Variants in DENND2C observed in about 807,000 individuals in gnomAD.
DENND2C encodes the protein DENN domain-containing protein 2C.
DENND2C carries 72 observed loss-of-function variants against 112.4 expected under a neutral mutation model. The observed-to-expected ratio is 0.64, with a 90% CI of 0.53 to 0.78. DENND2C has a LOEUF of 0.78. DENND2C is among the 30% of genes least tolerant of loss of function. The pLI is 0.00. For synonymous variants in DENND2C, 329 were observed against 381.6 expected, an observed-to-expected ratio of 0.86 and a Z score of 1.61; for missense variants, 992 against 1,113.8, an observed-to-expected ratio of 0.89 and a Z score of 1.56.
chr1:114,628,666 G>A (rs1392072345), intron 3 of DENND2C, among the ~76,000 whole-genome samples: 4 of 152,276 alleles, frequency 2.6e-5, no homozygotes, highest in South Asian at 2.1e-4. Context: ...TGTGGCTTGC[G>A]TGTTCTCACA....
chr1:114,602,876 T>C (rs558600851), intron 11 of DENND2C, among the ~76,000 whole-genome samples: 1 of 152,314 alleles, frequency 6.6e-6, no homozygotes, highest in Non-Finnish European at 1.5e-5. Flanking sequence ...ATTTTCCTTT[T>C]GTTGAATGCC....
intron 1 of DENND2C, among the ~76,000 whole-genome samples, chr1:114,657,893 T>C (rs1034670929): frequency 6.6e-6 from 1 of 152,032 alleles, no homozygotes; most frequent in Non-Finnish European, 1.5e-5. Flanking sequence ...AACAAGGGTA[T>C]AAAGCAAAGA....
chr1:114,622,865 C>T (rs926287514), intron 6 of DENND2C, 122 bp downstream of exon 6: 1 of 605,538 alleles, frequency 1.7e-6, no homozygotes, highest in African/African-American at 1.9e-5. Flanking sequence ...AAAACTACCA[C>T]CAACATTAAA....
intron 11 of DENND2C, among the ~76,000 whole-genome samples, chr1:114,602,786 A>C (rs1655548908): frequency 6.6e-6 from 1 of 152,182 alleles, no homozygotes; most frequent in Middle Eastern, 3.4e-3. Context: ...CTGGTCTTAA[A>C]CACCTGCGTT....
At chr1:114,652,752 G>C (rs1038699806) in intron 2 of DENND2C, among the ~76,000 whole-genome samples, 6 of 148,632 alleles carry the variant, frequency 4.0e-5, no homozygotes, top group African/African-American at 1.5e-4. Context: ...CACAATCATG[G>C]TGCACTACAG....
chr1:114,587,073 T>A (rs1467664711), intron 20 of DENND2C: 3 of 241,532 alleles, frequency 1.2e-5, no homozygotes, highest in Non-Finnish European at 2.5e-5. Context: ...AATTTTTGTA[T>A]TTTTAGCAGA....
At chr1:114,656,232 C>T (rs1157467654) in intron 1 of DENND2C, among the ~76,000 whole-genome samples, 1 of 151,814 alleles carries the variant, frequency 6.6e-6, no homozygotes, top group Admixed American at 6.6e-5. Context: ...CCATGCCTGG[C>T]TAATTGTTTA....
In DENND2C at chr1:114,621,999, G is replaced by A. The variant is rs760314015; in HGVS notation, c.1123C>T (p.Arg375Trp). Residue 375 changes from arginine to tryptophan, a missense_variant, in exon 7 of 21, where the codon CGG (arginine) becomes TGG (tryptophan). Physicochemically the swap from Arg to Trp is moderately radical, Grantham distance 101. Coordinates refer to ENST00000393274, the MANE Select transcript of DENND2C (RefSeq NM_001256404.2). ...MEVKNSQAYL[R>W]SKLTKDTTLP... ...GTTGTATCTTTTGTAAGCTTTGACCGCAAATAAGCCTGTGAGTTCTTTACT... is the reference window on the plus strand; with the variant it reads ...GTTGTATCTTTTGTAAGCTTTGACCACAAATAAGCCTGTGAGTTCTTTACT... 134 of 1,550,626 alleles carry A rather than the reference G, an allele frequency of 8.6e-5. No individual in the cohort carries two copies. The highest frequency in any genetic ancestry group is 1.1e-4 in the Non-Finnish European group (121 of 1,147,000).
In DENND2C at chr1:114,584,752, G is replaced by A. The variant is rs1252993344; in HGVS notation, c.*848C>T. 6.6e-6 allele frequency: 1 copy of A among 152,110 alleles called. No individual in the cohort carries two copies. The highest frequency in any genetic ancestry group is 1.5e-5 in the Non-Finnish European group (1 of 68,028). The allele number at this position is 152,110 out of a possible 1,614,324, so 9.4% of individuals were successfully genotyped here. On this transcript the variant is annotated 3_prime_UTR_variant, in exon 21 of 21. Coordinates refer to ENST00000393274, the MANE Select transcript of DENND2C (RefSeq NM_001256404.2). ...TTCATATTAGCTATAATTTCACAAA[G>A]TTTAAATTTATTTACTTATTTTTAA... is the stretch of plus-strand genomic sequence containing the variant.
At chr1:114,611,778 A>AACACACACACACAC (rs6143386) in intron 8 of DENND2C, among the ~76,000 whole-genome samples, 15 of 148,374 alleles carry the variant, frequency 1.0e-4, no homozygotes, top group African/African-American at 1.5e-4. Context: ...GAGCACAGGC[A>AACACACACACACAC]ACACACACAC....
chr1:114,621,885 G>A lies in DENND2C; in HGVS notation c.1227+10C>T, dbSNP rs1656174838. 6.5e-7 allele frequency: 1 copy of A among 1,550,358 alleles called. No individual in the cohort carries two copies. Among genetic ancestry groups the A allele is most frequent in the East Asian group, 2.4e-5 (1 of 40,896 alleles). ...TAAGAGTCAAAGAATGAAAGCACTG[G>A]AGTCTTTACCCTTGGAAGATTTTTC... On this transcript the variant is annotated intron_variant, in intron 7 of 20. Transcript: ENST00000393274.
intron 6 of DENND2C, 28 bp downstream of exon 6, chr1:114,622,959 T>G (rs748987127): frequency 5.2e-6 from 8 of 1,533,268 alleles, no homozygotes; most frequent in African/African-American, 1.4e-5. Context: ...GATTCTAATG[T>G]TTTCTTCAAT....
At chr1:114,648,628 T>C (rs926757554) in intron 2 of DENND2C, among the ~76,000 whole-genome samples, 2 of 152,318 alleles carry the variant, frequency 1.3e-5, no homozygotes, top group African/African-American at 2.4e-5. Flanking sequence ...ACCTCTTGCC[T>C]ACCTCAAGAC....
At chr1:114,633,280 A>C (rs1656545120) in intron 3 of DENND2C, among the ~76,000 whole-genome samples, 1 of 151,966 alleles carries the variant, frequency 6.6e-6, no homozygotes, top group East Asian at 1.9e-4. Context: ...CCCCGTCCCT[A>C]CTAAAAATAC....
In DENND2C at chr1:114,625,985, G is replaced by C. The variant is rs752563243; in HGVS notation, c.-1C>G. The C allele has an allele frequency of 1.9e-5, 31 of 1,602,972 alleles. No homozygotes were observed. The highest frequency in any genetic ancestry group is 2.6e-5 in the Non-Finnish European group (30 of 1,174,118). On this transcript the variant is annotated 5_prime_UTR_variant, in exon 4 of 21. Transcript: ENST00000393274. ...TAGTACGAGAAAAACCAACATCCAT[G>C]TTCCCAACTGGGTGAATGACAAGTG...
Position 114,608,872 on chromosome 1 carries a change from ATCTG to A in DENND2C, c.1370-3_1370del. The A allele has an allele frequency of 6.2e-7, 1 of 1,614,108 alleles. No homozygotes were observed. Among genetic ancestry groups the A allele is most frequent in the Non-Finnish European group, 8.5e-7 (1 of 1,180,016 alleles). ...GCAGTTGTGCTAAGCGTTTATGGCG[ATCTG>A]TAATGAAATCATGGAGAAATGTTTT... On this transcript the variant is annotated splice_acceptor_variant and splice_polypyrimidine_tract_variant and coding_sequence_variant and intron_variant, in exon 10 of 21. Coordinates refer to ENST00000393274, the MANE Select transcript of DENND2C (RefSeq NM_001256404.2). LOFTEE classifies it high-confidence loss of function.
intron 18 of DENND2C, among the ~76,000 whole-genome samples, chr1:114,588,218 C>T (rs1655096797): frequency 6.6e-6 from 1 of 152,146 alleles, no homozygotes; most frequent in Non-Finnish European, 1.5e-5. Context: ...ATTTTAACTG[C>T]ACTTTCAAAG....
chr1:114,602,118 T>A lies in DENND2C; in HGVS notation c.1737+7A>T. 2 of 1,613,750 alleles carry A rather than the reference T, an allele frequency of 1.2e-6. No individual in the cohort carries two copies. Among genetic ancestry groups the A allele is most frequent in the African/African-American group, 1.3e-5 (1 of 75,034 alleles). On this transcript the variant is annotated splice_region_variant and intron_variant, in intron 12 of 20. Transcript: ENST00000393274. ...AACCCTGTCTGTAACACAAATCTGA[T>A]ACTTACCAAGAGCTTCTTACAGTAA...
At chr1:114,660,434 A>C (rs1657461283) in intron 1 of DENND2C, among the ~76,000 whole-genome samples, 1 of 152,192 alleles carries the variant, frequency 6.6e-6, no homozygotes, top group African/African-American at 2.4e-5. Flanking sequence ...CTGGAGGGAA[A>C]GCTCCAAGCT....
Sources: gnomAD v4.1 joint callset for allele counts (sites outside exome capture counted in the v4.1 genomes callset) on GRCh38, gnomAD v4.1.1 for gene constraint, MANE v1.5 for transcripts, NCBI Gene and HGNC (gene_info 2026-07-23, HGNC 2026-07-21) for gene names.